The following SPIDR variants were observed in gnomAD, a reference collection of about 807,000 sequenced individuals.
The protein encoded by SPIDR is DNA repair-scaffolding protein.
In SPIDR, 93 loss-of-function variants were observed where a neutral mutation model predicts 104.6. The ratio of observed to expected loss-of-function variants is 0.89; its 90% CI spans 0.75 to 1.06. SPIDR has a LOEUF of 1.06. SPIDR is among the 50% of genes least tolerant of loss of function. The pLI is 0.00. For missense variants in SPIDR, 1,154 were observed against 1,111.2 expected, an observed-to-expected ratio of 1.04 and a Z score of -0.55; for synonymous variants, 431 against 416.9, an observed-to-expected ratio of 1.03 and a Z score of -0.41.
chr8:47,398,056 C>T (rs546257287), intron 6 of SPIDR, among the ~76,000 whole-genome samples: 7 of 152,024 alleles, frequency 4.6e-5, no homozygotes, highest in African/African-American at 1.2e-4. Context: ...CTACTCACCA[C>T]GAGACAGGAG....
At chr8:47,428,689 C>T (rs2066837022) in intron 7 of SPIDR, among the ~76,000 whole-genome samples, 1 of 152,132 alleles carries the variant, frequency 6.6e-6, no homozygotes, top group Non-Finnish European at 1.5e-5. Context: ...TGTAGGTCAG[C>T]ATCTTTTAAA....
chr8:47,355,079 T>C (rs2054257794), intron 5 of SPIDR, among the ~76,000 whole-genome samples: 1 of 152,044 alleles, frequency 6.6e-6, no homozygotes. Context: ...CCTCAGCCTC[T>C]TGAGTAGCTC....
At chr8:47,575,646 CAAAAAAAA>C (rs1173651690) in intron 8 of SPIDR, among the ~76,000 whole-genome samples, 2 of 45,162 alleles carry the variant, frequency 4.4e-5, no homozygotes, top group East Asian at 1.5e-3. Context: ...GACTCCGTCT[CAAAAAAAA>C]AAAAAAAAAG....
At chr8:47,392,879 C>A (rs1456951079) in intron 5 of SPIDR, among the ~76,000 whole-genome samples, 2 of 152,164 alleles carry the variant, frequency 1.3e-5, no homozygotes, top group African/African-American at 4.8e-5. Context: ...TTACCAAGGT[C>A]CCATGGATTT....
At chr8:47,320,715 C>G (rs573731723) in intron 5 of SPIDR, among the ~76,000 whole-genome samples, 13 of 152,228 alleles carry the variant, frequency 8.5e-5, no homozygotes, top group African/African-American at 2.6e-4. Context: ...ACTGGCAAAC[C>G]AAATCCAGCA....
intron 5 of SPIDR, among the ~76,000 whole-genome samples, chr8:47,303,427 C>T (rs587683318): frequency 2.8e-4 from 43 of 152,292 alleles, no homozygotes; most frequent in African/African-American, 6.5e-4. Context: ...CTTCGGCTTA[C>T]GCTGGGTGCA....
intron 5 of SPIDR, among the ~76,000 whole-genome samples, chr8:47,386,961 A>G (rs944509508): frequency 6.7e-6 from 1 of 149,042 alleles, no homozygotes; most frequent in Admixed American, 6.7e-5. Context: ...AGATATAGAT[A>G]TAGATACAGA....
chr8:47,362,405 A>G (rs1057397219), intron 5 of SPIDR, among the ~76,000 whole-genome samples: 5 of 152,138 alleles, frequency 3.3e-5, no homozygotes, highest in African/African-American at 9.7e-5. Flanking sequence ...TGCCTTGAAC[A>G]CATCTCCCCT....
intron 8 of SPIDR, among the ~76,000 whole-genome samples, chr8:47,530,230 G>C (rs1018462415): frequency 1.3e-5 from 2 of 152,172 alleles, no homozygotes; most frequent in African/African-American, 4.8e-5. Flanking sequence ...CACTTTGGGA[G>C]GCTGAAGTAG....
intron 8 of SPIDR, among the ~76,000 whole-genome samples, chr8:47,594,344 G>A (rs1224620188): frequency 1.3e-5 from 2 of 151,770 alleles, no homozygotes; most frequent in Non-Finnish European, 2.9e-5. Context: ...CCCCAGCTGG[G>A]CGACAGAGTA....
chr8:47,355,271 T>TAA (rs34902790), intron 5 of SPIDR, among the ~76,000 whole-genome samples: 1,535 of 116,538 alleles, frequency 0.013, 47 homozygotes, highest in African/African-American at 0.046. Flanking sequence ...AGGTTTTTTG[T>TAA]AAAAAAAAAA....
chr8:47,691,065 G>A (rs1354236859), intron 11 of SPIDR, among the ~76,000 whole-genome samples: 2 of 152,102 alleles, frequency 1.3e-5, no homozygotes, highest in East Asian at 1.9e-4. Flanking sequence ...GCCGAGGAGA[G>A]CAGATTGCTT....
At chr8:47,438,528 C>T (rs2068788206) in intron 7 of SPIDR, among the ~76,000 whole-genome samples, 1 of 152,194 alleles carries the variant, frequency 6.6e-6, no homozygotes, top group Admixed American at 6.5e-5. Flanking sequence ...AGCTACTTTT[C>T]ATTAACAAAA....
At chr8:47,571,795 C>A (rs767378978) in intron 8 of SPIDR, among the ~76,000 whole-genome samples, 7 of 152,046 alleles carry the variant, frequency 4.6e-5, no homozygotes, top group Admixed American at 2.0e-4. Context: ...TAAAGTAGAA[C>A]AATTATAACA....
intron 8 of SPIDR, among the ~76,000 whole-genome samples, chr8:47,459,175 G>A (rs1237148189): frequency 6.6e-6 from 1 of 151,952 alleles, no homozygotes; most frequent in African/African-American, 2.4e-5. Flanking sequence ...AGGGAGGATT[G>A]CCTCTTTCTC....
At chr8:47,266,696 A>C (rs1303397009) in intron 1 of SPIDR, among the ~76,000 whole-genome samples, 1 of 152,222 alleles carries the variant, frequency 6.6e-6, no homozygotes, top group Non-Finnish European at 1.5e-5. Flanking sequence ...AACTTTTCCA[A>C]AGTGGTTATA....
intron 8 of SPIDR, among the ~76,000 whole-genome samples, chr8:47,522,253 TCTC>T (rs954056492): frequency 6.6e-6 from 1 of 151,852 alleles, no homozygotes; most frequent in African/African-American, 2.4e-5. Flanking sequence ...GGGGTCAGCC[TCTC>T]CTCCTGTGCG....
At chr8:47,305,907 C>A (rs1199523200) in intron 5 of SPIDR, among the ~76,000 whole-genome samples, 2 of 152,152 alleles carry the variant, frequency 1.3e-5, no homozygotes, top group Admixed American at 6.5e-5. Flanking sequence ...ACTACCATCA[C>A]CACCTTCTAT....
intron 16 of SPIDR, 89 bp from the exon 17 acceptor site, chr8:47,727,111 C>A: frequency 9.3e-7 from 1 of 1,077,204 alleles, no homozygotes; most frequent in Non-Finnish European, 1.4e-6. Context: ...TCACGAGGCC[C>A]CTCATGTTGT....
Sources: allele counts gnomAD v4.1 joint callset (sites outside exome capture counted in the v4.1 genomes callset), GRCh38; gene constraint gnomAD v4.1.1; transcripts MANE v1.5; gene names NCBI Gene and HGNC (gene_info 2026-07-23, HGNC 2026-07-21).